The following DEFB131A variants were observed in gnomAD, a reference collection of about 807,000 sequenced individuals.
The protein encoded by DEFB131A is beta-defensin 131A.
A neutral mutation model predicts 2.4 loss-of-function variants in DEFB131A; 5 were observed. The observed-to-expected ratio is 2.12, with a 90% CI of 1.11 to 4.47. DEFB131A has a LOEUF of 4.47. Ranked by LOEUF, DEFB131A falls within the 30% of genes most tolerant of loss-of-function variation. DEFB131A has a pLI of 0.00. For synonymous variants in DEFB131A, 34 were observed against 25.7 expected (o/e 1.32, Z -0.97); for missense variants, 120 against 79.9 (o/e 1.50, Z -1.91).
At chr4:9,445,518 C>T (rs1351968336) in intron 1 of DEFB131A, among the ~76,000 whole-genome samples, 1 of 151,498 alleles carries the variant, frequency 6.6e-6, no homozygotes, top group Non-Finnish European at 1.5e-5. Context: ...GCGGTTCATA[C>T]CTGAGATTTA....
intron 1 of DEFB131A, among the ~76,000 whole-genome samples, chr4:9,448,594 G>C (rs1486632321): frequency 2.0e-5 from 3 of 152,134 alleles, no homozygotes; most frequent in African/African-American, 7.2e-5. Context: ...AAAGTACCAG[G>C]ATTAAAGGTG....
rs1284631929 is a variant in DEFB131A at position 9,446,996 on chromosome 4, G to C, written c.58+2405G>C. Among the ~76,000 whole-genome samples the C allele has an allele frequency of 2.6e-5, 4 of 151,978 alleles. No homozygotes were observed. The East Asian group carries it at 7.7e-4, about 29-fold the overall frequency. ...TTCAAAATTTGTTGAAACTTGTTTTGTGTCTTAACATATGGTCCAGCCTGG... is the reference window on the plus strand; with the variant it reads ...TTCAAAATTTGTTGAAACTTGTTTTCTGTCTTAACATATGGTCCAGCCTGG... On this transcript the variant is annotated intron_variant, in intron 1 of 1. Transcript: ENST00000334879.
At chr4:9,446,844 C>G (rs901571450) in intron 1 of DEFB131A, among the ~76,000 whole-genome samples, 1 of 152,076 alleles carries the variant, frequency 6.6e-6, no homozygotes, top group Non-Finnish European at 1.5e-5. Context: ...TTCATTGACT[C>G]AATGGTTGTT....
intron 1 of DEFB131A, among the ~76,000 whole-genome samples, chr4:9,446,725 C>G (rs978188870): frequency 2.0e-5 from 3 of 152,014 alleles, no homozygotes; most frequent in African/African-American, 7.2e-5. Context: ...GCATTTATTG[C>G]TATAAAATTC....
chr4:9,446,201 C>A (rs189719147), intron 1 of DEFB131A, among the ~76,000 whole-genome samples: 2 of 151,614 alleles, frequency 1.3e-5, no homozygotes, highest in Non-Finnish European at 3.0e-5. Flanking sequence ...AAAATGTGCT[C>A]GGAGGTAATA....
chr4:9,447,291 A>G (rs1332462482), intron 1 of DEFB131A, among the ~76,000 whole-genome samples: 1 of 152,150 alleles, frequency 6.6e-6, no homozygotes, highest in Non-Finnish European at 1.5e-5. Flanking sequence ...ATATATACAT[A>G]TTTGGAATTT....
At chr4:9,448,718 G>T (rs1318246103) in intron 1 of DEFB131A, among the ~76,000 whole-genome samples, 1 of 152,124 alleles carries the variant, frequency 6.6e-6, no homozygotes, top group African/African-American at 2.4e-5. Context: ...AAAGTAAAAA[G>T]AAATTCTTCG....
Position 9,445,733 on chromosome 4 carries a change from G to A in DEFB131A, c.58+1142G>A, listed in dbSNP as rs1488602527. 7.9e-5 allele frequency among the ~76,000 whole-genome samples: 12 copies of A among 151,938 alleles called. No individual in the cohort carries two copies. In the South Asian group the frequency reaches 8.3e-4, roughly 11 times the overall value. ...ACCATAAAATTCATTGCCTTAAAGT[G>A]TTCTATTCAGTGGTTATCAGTGTAT... is the stretch of plus-strand genomic sequence containing the variant. On this transcript the variant is annotated intron_variant, in intron 1 of 1. Transcript: ENST00000334879.
At chr4:9,447,393 C>T (rs1437651672) in intron 1 of DEFB131A, among the ~76,000 whole-genome samples, 1 of 151,922 alleles carries the variant, frequency 6.6e-6, no homozygotes, top group Admixed American at 6.6e-5. Context: ...CAATTTTGTC[C>T]AATATAAATA....
chr4:9,447,242 C>A (rs534943866), intron 1 of DEFB131A, among the ~76,000 whole-genome samples: 1 of 152,246 alleles, frequency 6.6e-6, no homozygotes, highest in East Asian at 1.9e-4. Context: ...GCTCTAATGA[C>A]ATTTTTAATA....
chr4:9,446,328 AGATT>A (rs1384850886), intron 1 of DEFB131A, among the ~76,000 whole-genome samples: 7 of 147,508 alleles, frequency 4.7e-5, no homozygotes, highest in Middle Eastern at 3.4e-3. Flanking sequence ...TGGGAAAGTT[AGATT>A]GATTATTGGT....
intron 1 of DEFB131A, among the ~76,000 whole-genome samples, 182 bp downstream of exon 1, chr4:9,444,773 A>G (rs1435947760): frequency 6.6e-6 from 1 of 152,016 alleles, no homozygotes; most frequent in Non-Finnish European, 1.5e-5. Flanking sequence ...CAGTGATTTA[A>G]CCTATGATAA....
intron 1 of DEFB131A, among the ~76,000 whole-genome samples, chr4:9,446,649 C>G (rs1191600877): frequency 6.6e-6 from 1 of 151,732 alleles, no homozygotes; most frequent in Non-Finnish European, 1.5e-5. Context: ...TTCATTTTTT[C>G]TTGTTTTTCT....
In DEFB131A at chr4:9,450,404, C is replaced by A. The variant is rs751243150; in HGVS notation, c.103C>A (p.His35Asn). ...SNDECPSEYYHCRLKCNADEH... is the reference protein window; with the variant it reads ...SNDECPSEYYNCRLKCNADEH... ...TGATGAATGTCCTTCAGAATATTAT[C>A]ATTGCAGACTGAAGTGCAATGCTGA... is the stretch of plus-strand genomic sequence containing the variant. The change falls in exon 2 of 2, where the codon CAT (histidine) becomes AAT (asparagine). Residue 35 changes from histidine (H) to asparagine (N), a missense_variant. His to Asn is a moderately conservative substitution (Grantham distance 68). Transcript: ENST00000334879. The A allele has an allele frequency of 6.2e-7, 1 of 1,602,382 alleles. No individual in the cohort carries two copies. The highest frequency in any genetic ancestry group is 8.5e-7 in the Non-Finnish European group (1 of 1,174,166).
At chr4:9,449,409 G>A (rs1426728066) in intron 1 of DEFB131A, among the ~76,000 whole-genome samples, 4 of 132,202 alleles carry the variant, frequency 3.0e-5, no homozygotes, top group Non-Finnish European at 4.9e-5. Context: ...CAGTCCACTG[G>A]CCTTCAACAA....
chr4:9,445,929 T>C (rs1238951571), intron 1 of DEFB131A, among the ~76,000 whole-genome samples: 81 of 152,292 alleles, frequency 5.3e-4, no homozygotes, highest in Non-Finnish European at 8.8e-5. Context: ...ATGTGATCCT[T>C]CATGTCTGCC....
chr4:9,446,403 A>G (rs935881066), intron 1 of DEFB131A, among the ~76,000 whole-genome samples: 2 of 152,152 alleles, frequency 1.3e-5, no homozygotes, highest in African/African-American at 4.8e-5. Context: ...TAACAGACTA[A>G]TGATCCATTG....
chr4:9,444,951 C>A (rs558995875), intron 1 of DEFB131A, among the ~76,000 whole-genome samples: 2 of 151,582 alleles, frequency 1.3e-5, no homozygotes, highest in East Asian at 3.9e-4. Context: ...GGTATAGTGG[C>A]GCGTGTCTGT....
chr4:9,448,925 A>AT lies in DEFB131A; in HGVS notation c.59-1428dup, dbSNP rs374005018. 5.9e-5 allele frequency among the ~76,000 whole-genome samples: 9 copies of AT among 152,184 alleles called. No homozygotes were observed. The South Asian group carries it at 1.0e-3, about 18-fold the overall frequency. On this transcript the variant is annotated intron_variant, in intron 1 of 1. Transcript: ENST00000334879. ...AAATCATCTATTTCCAAATGACATA[A>AT]TTTTTTTGTAAAAAACTCTAAACTT...
Sources: gnomAD v4.1 joint callset for allele counts (sites outside exome capture counted in the v4.1 genomes callset) on GRCh38, gnomAD v4.1.1 for gene constraint, MANE v1.5 for transcripts, NCBI Gene and HGNC (gene_info 2026-07-23, HGNC 2026-07-21) for gene names.